Variants in PTGR1 observed in about 807,000 individuals in gnomAD.
The protein encoded by PTGR1 is 15-oxoprostaglandin 13-reductase.
Under a neutral mutation model 37.7 loss-of-function variants are expected in PTGR1, and 23 were observed. The observed-to-expected ratio is 0.61, with a 90% CI of 0.44 to 0.86. The LOEUF (loss-of-function observed/expected upper bound fraction) is 0.86. PTGR1 is among the 40% of genes least tolerant of loss of function. The pLI is 0.00. For synonymous variants in PTGR1, 134 were observed against 140.0 expected (o/e 0.96, Z 0.30); for missense variants, 351 against 394.3 (o/e 0.89, Z 0.93).
At chr9:111,590,447 C>A (rs1829576035) in intron 4 of PTGR1, among the ~76,000 whole-genome samples, 2 of 152,102 alleles carry the variant, frequency 1.3e-5, no homozygotes, top group Non-Finnish European at 1.5e-5. Flanking sequence ...CAACCTCTGC[C>A]TCCTGGGTTC....
rs920906742 is a variant in PTGR1, at chr9:111,556,943, G to C, written c.880-7144C>G. ...GGAGCTGGAGTGGCCACAATGCATG[G>C]TTCCATGTCCTGATGCTGCACAGAG... On this transcript the variant is annotated intron_variant, in intron 9 of 9. Transcript: ENST00000538962. 2.0e-5 allele frequency among the ~76,000 whole-genome samples: 3 copies of C among 152,312 alleles called. No individual in the cohort carries two copies. In the South Asian group the frequency reaches 6.2e-4, roughly 32 times the overall value.
intron 9 of PTGR1, among the ~76,000 whole-genome samples, chr9:111,568,419 G>A (rs1023962491): frequency 6.6e-6 from 1 of 152,092 alleles, no homozygotes; most frequent in Non-Finnish European, 1.5e-5. Flanking sequence ...GTAAATTTGT[G>A]GTCAGACTGG....
rs1589314635 is a variant in PTGR1 at position 111,585,187 on chromosome 9, T to C, written c.377+811A>G. Reference sequence around the variant, plus strand: ...CAGCATTTTTTTCTAAGAATCCAAATATCTAACATGCATTCCTTAGTGGCT... The same window carrying C: ...CAGCATTTTTTTCTAAGAATCCAAACATCTAACATGCATTCCTTAGTGGCT... On this transcript the variant is annotated intron_variant, in intron 5 of 9. Transcript: ENST00000407693. Among the ~76,000 whole-genome samples the C allele has an allele frequency of 2.6e-5, 4 of 152,324 alleles. 2 individuals are homozygous for C. The South Asian group carries it at 8.3e-4, about 32-fold the overall frequency.
chr9:111,550,691 A>C (rs868028132), intron 9 of PTGR1, among the ~76,000 whole-genome samples: 1 of 152,142 alleles, frequency 6.6e-6, no homozygotes, highest in Admixed American at 6.5e-5. Flanking sequence ...TGCTTTCTTG[A>C]AGATTTCTTC....
chr9:111,583,713 T>C, intron 5 of PTGR1, 124 bp from the exon 6 acceptor site: 1 of 716,762 alleles, frequency 1.4e-6, no homozygotes. Flanking sequence ...GACAAAAATA[T>C]GGAAATAAAT....
chr9:111,570,232 G>T lies in PTGR1; in HGVS notation c.761-23C>A. 3.1e-6 allele frequency: 5 copies of T among 1,605,884 alleles called. No individual in the cohort carries two copies. The South Asian group carries it at 5.6e-5, about 18-fold the overall frequency. On this transcript the variant is annotated intron_variant, in intron 8 of 9. Coordinates refer to ENST00000407693, the MANE Select transcript of PTGR1 (RefSeq NM_001146108.2). ...GGCCTGTGAAGAGAAGGGCACATTT[G>T]GGTGGCAGGATCCAGGGAGGTGCCC...
downstream of PTGR1, among the ~76,000 whole-genome samples, chr9:111,559,143 C>A (rs1030090081): frequency 6.6e-6 from 1 of 152,122 alleles, no homozygotes; most frequent in African/African-American, 2.4e-5. Context: ...TGCATCAGCA[C>A]CTCCTCAGCC....
exon 10 of PTGR1, chr9:111,549,738 G>T (rs1019566286): frequency 6.5e-7 from 1 of 1,549,882 alleles, no homozygotes; most frequent in Middle Eastern, 1.7e-4. Context: ...AATGGTGAAT[G>T]ATACATATTC....
chr9:111,592,309 T>C (rs1829644985), intron 4 of PTGR1: 2 of 152,272 alleles, frequency 1.3e-5, no homozygotes, highest in Admixed American at 1.3e-4. Context: ...TTTAAGGCTC[T>C]GTTAGAAATT....
At chr9:111,574,999 CA>C (rs1357658568) in intron 7 of PTGR1, among the ~76,000 whole-genome samples, 157 bp from the exon 8 acceptor site, 1 of 152,164 alleles carries the variant, frequency 6.6e-6, no homozygotes, top group Non-Finnish European at 1.5e-5. Flanking sequence ...TAGAAAAAGA[CA>C]TTAGAAACAG....
intron 2 of PTGR1, among the ~76,000 whole-genome samples, chr9:111,596,241 G>A (rs1398742886): frequency 6.6e-6 from 1 of 152,138 alleles, no homozygotes; most frequent in Non-Finnish European, 1.5e-5. Flanking sequence ...TCTATTTTCT[G>A]CCTCTCGAAT....
At chr9:111,582,354 T>C (rs889356486) in intron 6 of PTGR1, among the ~76,000 whole-genome samples, 1 of 152,246 alleles carries the variant, frequency 6.6e-6, no homozygotes, top group East Asian at 1.9e-4. Flanking sequence ...TGTGATTTAA[T>C]AGGATATTTG....
chr9:111,586,676 C>G (rs572759499), intron 4 of PTGR1, among the ~76,000 whole-genome samples: 1 of 151,996 alleles, frequency 6.6e-6, no homozygotes, highest in East Asian at 1.9e-4. Flanking sequence ...TGTGCTAACC[C>G]GCTGCAACCT....
At chr9:111,562,543 G>A (rs1398949133), downstream of PTGR1, 1 of 152,010 alleles carries the variant, frequency 6.6e-6, no homozygotes, top group Non-Finnish European at 1.5e-5. Context: ...CAAAGTGCTG[G>A]AATTACAGGC....
intron 9 of PTGR1, among the ~76,000 whole-genome samples, chr9:111,549,982 C>A (rs1244098154): frequency 6.6e-6 from 1 of 152,126 alleles, no homozygotes; most frequent in Non-Finnish European, 1.5e-5. Flanking sequence ...GACAGCTAGA[C>A]ATTTGAATTT....
downstream of PTGR1, among the ~76,000 whole-genome samples, chr9:111,561,776 G>A (rs1274708480): frequency 6.6e-6 from 1 of 151,226 alleles, no homozygotes; most frequent in African/African-American, 2.4e-5. Context: ...ATAATCACAA[G>A]CAATAGGGGT....
At chr9:111,554,669 G>T (rs1160975913) in intron 9 of PTGR1, among the ~76,000 whole-genome samples, 1 of 152,156 alleles carries the variant, frequency 6.6e-6, no homozygotes, top group Non-Finnish European at 1.5e-5. Flanking sequence ...GTCCTAGGAG[G>T]CACGGAGCAG....
chr9:111,591,745 A>T (rs1485029118), intron 4 of PTGR1, among the ~76,000 whole-genome samples: 1 of 152,188 alleles, frequency 6.6e-6, no homozygotes, highest in Non-Finnish European at 1.5e-5. Context: ...AGTTTCTAAG[A>T]TAAAAATTTT....
At chr9:111,599,163 T>C (rs1212502859) in intron 1 of PTGR1, among the ~76,000 whole-genome samples, 1 of 152,086 alleles carries the variant, frequency 6.6e-6, no homozygotes, top group Non-Finnish European at 1.5e-5. Flanking sequence ...GGAGGGGGCC[T>C]GGCGCGGCGC....
Sources: allele counts gnomAD v4.1 joint callset (sites outside exome capture counted in the v4.1 genomes callset), GRCh38; gene constraint gnomAD v4.1.1; transcripts MANE v1.5; gene names NCBI Gene and HGNC (gene_info 2026-07-23, HGNC 2026-07-21).